DSCAM: variants seen among roughly 807,000 people sequenced by gnomAD.
DSCAM encodes cell adhesion molecule DSCAM.
Under a neutral mutation model 217.7 loss-of-function variants are expected in DSCAM, and 47 were observed. The observed-to-expected ratio is 0.22, with a 90% CI of 0.17 to 0.28. DSCAM has a LOEUF of 0.28. Among genes scored for constraint, DSCAM ranks in the 10% least tolerant of loss-of-function variants. The probability of loss-of-function intolerance (pLI) is 1.00; values close to 1 mark genes in which losing one functional copy is unlikely to be tolerated. For missense variants in DSCAM, 2,080 were observed against 2,618.3 expected (o/e 0.79, Z 4.49); for synonymous variants, 1,056 against 1,015.3 (o/e 1.04, Z -0.76).
chr21:40,240,571 G>GT (rs1260637546), intron 11 of DSCAM, among the ~76,000 whole-genome samples: 2 of 151,938 alleles, frequency 1.3e-5, no homozygotes, highest in Non-Finnish European at 2.9e-5. Flanking sequence ...CAGCCTTCAC[G>GT]TTTTTGTTCA....
At chr21:40,182,444 T>C (rs1157161117) in intron 14 of DSCAM, among the ~76,000 whole-genome samples, 1 of 151,808 alleles carries the variant, frequency 6.6e-6, no homozygotes, top group Non-Finnish European at 1.5e-5. Flanking sequence ...TGAAACCTGG[T>C]CAGAGACCTG....
intron 5 of DSCAM, among the ~76,000 whole-genome samples, chr21:40,350,999 C>G (rs921922689): frequency 6.8e-6 from 1 of 147,740 alleles, no homozygotes; most frequent in Non-Finnish European, 1.5e-5. Flanking sequence ...TCCCTTTCTG[C>G]CTCAGCCTCC....
In DSCAM at chr21:40,132,670, C is replaced by T. The variant is rs186419044; in HGVS notation, c.3562+1184G>A. On this transcript the variant is annotated intron_variant, in intron 19 of 32. Coordinates refer to ENST00000400454, the MANE Select transcript of DSCAM (RefSeq NM_001389.5). ...GTGAGAGTGGATGCCTGGGGCTGCT[C>T]GGAGGAGCAAGGCCTGGCTTGCCAA... Among the ~76,000 whole-genome samples the T allele has an allele frequency of 9.8e-4, 149 of 152,236 alleles. 1 individual carries two copies. Among genetic ancestry groups the T allele is most frequent in the South Asian group, 5.6e-3 (27 of 4,828 alleles).
At chr21:40,515,788 T>C (rs1397683149) in intron 3 of DSCAM, among the ~76,000 whole-genome samples, 1 of 152,140 alleles carries the variant, frequency 6.6e-6, no homozygotes, top group East Asian at 1.9e-4. Flanking sequence ...AAAATTATTC[T>C]TCAAACAATA....
At chr21:40,637,606 A>AAT (rs1486330429) in intron 3 of DSCAM, among the ~76,000 whole-genome samples, 120 of 36,692 alleles carry the variant, frequency 3.3e-3, no homozygotes, top group African/African-American at 8.9e-3. Flanking sequence ...TATATATATA[A>AAT]ATATATATAA....
At chr21:40,013,679 C>A (rs1271321906) in intron 32 of DSCAM, among the ~76,000 whole-genome samples, 1 of 152,166 alleles carries the variant, frequency 6.6e-6, no homozygotes, top group South Asian at 2.1e-4. Flanking sequence ...AACACACCAT[C>A]GTTGAAAGAA....
chr21:40,674,996 C>A (rs2090321362), intron 3 of DSCAM, among the ~76,000 whole-genome samples: 1 of 147,462 alleles, frequency 6.8e-6, no homozygotes, highest in African/African-American at 2.5e-5. Context: ...AACTTCCACA[C>A]TCCCACCTCA....
At chr21:40,787,215 G>T (rs1235477656) in intron 1 of DSCAM, among the ~76,000 whole-genome samples, 1 of 152,156 alleles carries the variant, frequency 6.6e-6, no homozygotes, top group Non-Finnish European at 1.5e-5. Flanking sequence ...TAAATGTGCG[G>T]GCTTGCATAC....
At chr21:40,505,791 C>T (rs1490762686) in intron 3 of DSCAM, among the ~76,000 whole-genome samples, 1 of 152,154 alleles carries the variant, frequency 6.6e-6, no homozygotes, top group South Asian at 2.1e-4. Context: ...TTGTGATATG[C>T]AGTGCTTCTC....
intron 3 of DSCAM, among the ~76,000 whole-genome samples, chr21:40,482,668 G>C (rs2075992910): frequency 1.3e-5 from 2 of 152,144 alleles, no homozygotes; most frequent in African/African-American, 4.8e-5. Flanking sequence ...CCCAGGAGGT[G>C]GACCCTGACA....
At chr21:40,266,609 T>C (rs57104974) in intron 11 of DSCAM, among the ~76,000 whole-genome samples, 1,902 of 132,828 alleles carry the variant, frequency 0.014, 73 homozygotes, top group African/African-American at 0.053. Flanking sequence ...TAAGTGTCCA[T>C]TAACTGATGA....
At chr21:40,453,625 G>C (rs2075739877) in intron 3 of DSCAM, among the ~76,000 whole-genome samples, 1 of 152,128 alleles carries the variant, frequency 6.6e-6, no homozygotes, top group African/African-American at 2.4e-5. Context: ...TAGTACTAAT[G>C]CCAATAAATA....
At chr21:40,188,093 C>A (rs2146827933) in intron 12 of DSCAM, 106 bp from the exon 13 acceptor site, 2 of 742,210 alleles carry the variant, frequency 2.7e-6, no homozygotes, top group Non-Finnish European at 2.2e-6. Flanking sequence ...ATGCCAAGCA[C>A]ACACATAGGT....
intron 20 of DSCAM, among the ~76,000 whole-genome samples, chr21:40,114,907 G>A (rs548911184): frequency 6.6e-6 from 1 of 152,258 alleles, no homozygotes; most frequent in Admixed American, 6.5e-5. Context: ...TAAAAAGTCA[G>A]GAAACAACAG....
At chr21:40,373,088 T>C (rs889528296) in intron 3 of DSCAM, among the ~76,000 whole-genome samples, 2 of 152,260 alleles carry the variant, frequency 1.3e-5, no homozygotes, top group East Asian at 3.9e-4. Context: ...AAAACACTCA[T>C]AGAGCAGTGG....
At chr21:40,297,010 C>T (rs530543593) in intron 9 of DSCAM, among the ~76,000 whole-genome samples, 2 of 152,044 alleles carry the variant, frequency 1.3e-5, no homozygotes, top group South Asian at 4.1e-4. Context: ...ATCGAGAATA[C>T]AATGTGGGAC....
chr21:40,158,055 A>G (rs2090498842), intron 16 of DSCAM, among the ~76,000 whole-genome samples: 1 of 152,182 alleles, frequency 6.6e-6, no homozygotes, highest in African/African-American at 2.4e-5. Flanking sequence ...TTAGACATCA[A>G]CATGCATGAA....
intron 16 of DSCAM, among the ~76,000 whole-genome samples, chr21:40,158,846 GA>G (rs2090507844): frequency 6.6e-6 from 1 of 152,208 alleles, no homozygotes; most frequent in Admixed American, 6.5e-5. Context: ...AAAAGAACAG[GA>G]AGAGTTTATT....
At chr21:40,577,963 C>T (rs917813710) in intron 3 of DSCAM, among the ~76,000 whole-genome samples, 8 of 152,072 alleles carry the variant, frequency 5.3e-5, no homozygotes, top group South Asian at 4.1e-4. Context: ...GAAGGGGCTG[C>T]CAGTCAAAGA....
Sources: allele counts gnomAD v4.1 joint callset (sites outside exome capture counted in the v4.1 genomes callset), GRCh38; gene constraint gnomAD v4.1.1; transcripts MANE v1.5; gene names NCBI Gene and HGNC (gene_info 2026-07-23, HGNC 2026-07-21).